DGKK: variants seen among roughly 807,000 people sequenced by gnomAD.
DGKK encodes 142 kDa diacylglycerol kinase.
A neutral mutation model predicts 92.2 loss-of-function variants in DGKK; 35 were observed. The ratio of observed to expected loss-of-function variants is 0.38; its 90% CI spans 0.29 to 0.50. DGKK has a LOEUF of 0.50. Ranked by LOEUF, DGKK falls within the 20% of genes least tolerant of loss-of-function variation. DGKK has a pLI of 0.92. For missense variants in DGKK, 910 were observed against 992.2 expected, an observed-to-expected ratio of 0.92 and a Z score of 1.11; for synonymous variants, 368 against 360.6, an observed-to-expected ratio of 1.02 and a Z score of -0.23.
At chrX:50,397,147 G>A (rs1265098004) in intron 8 of DGKK, among the ~76,000 whole-genome samples, 1 of 111,782 alleles carries the variant, frequency 8.9e-6, no homozygotes, top group Admixed American at 9.5e-5. Flanking sequence ...AAAGAGCTTA[G>A]GGGACTTAGT....
At position 50,384,268 on chromosome X, in the gene DGKK, G is replaced by T; in HGVS notation, c.2453-4C>A. The T allele has an allele frequency of 8.9e-7, 1 of 1,117,964 alleles. No homozygotes were observed. The highest frequency in any genetic ancestry group is 2.0e-5 in the South Asian group (1 of 49,327). The allele number at this position is 1,117,964 out of a possible 1,213,427, so 92.1% of individuals were successfully genotyped here. On this transcript the variant is annotated splice_region_variant and splice_polypyrimidine_tract_variant and intron_variant, in intron 16 of 27. Coordinates refer to ENST00000611977, the MANE Select transcript of DGKK (RefSeq NM_001013742.4). ...GACAAAGTGCCACGACGAGAACCTA[G>T]ACACAAAAGACATCACTTGGGTGAC...
chrX:50,412,050 C>A (rs1925317895), intron 4 of DGKK, among the ~76,000 whole-genome samples: 1 of 111,605 alleles, frequency 9.0e-6, no homozygotes, highest in Non-Finnish European at 1.9e-5. Context: ...AATCTGACAT[C>A]TGAAATGCCC....
chrX:50,372,351 A>T (rs1924157697), intron 25 of DGKK, among the ~76,000 whole-genome samples: 1 of 112,351 alleles, frequency 8.9e-6, no homozygotes, highest in Admixed American at 9.4e-5. Context: ...GCTAGACAGA[A>T]CCCAGGTCTG....
chrX:50,459,118 T>A (rs945025478), intron 1 of DGKK, among the ~76,000 whole-genome samples: 1 of 111,929 alleles, frequency 8.9e-6, no homozygotes, highest in African/African-American at 3.2e-5. Context: ...TTCCATTATT[T>A]AGGTTGGAAA....
chrX:50,470,421 G>T lies in DGKK; in HGVS notation c.258C>A (p.Ala86=). ...GGGCCGGTTCTGAGGCCGGCTCTGT[G>T]GCTGGTTCTGGGGTCGGTTCTGTGT... ...ELYTEPTPEP[A]TEPASEPAPE... The change falls in exon 1 of 28, where the codon GCC becomes GCA. Residue 86 remains alanine (A), a synonymous_variant. Coordinates refer to ENST00000611977, the MANE Select transcript of DGKK (RefSeq NM_001013742.4). 1 of 1,208,405 alleles carries T rather than the reference G, an allele frequency of 8.3e-7. No homozygotes were observed. Among genetic ancestry groups the T allele is most frequent in the Non-Finnish European group, 1.1e-6 (1 of 892,145 alleles).
chrX:50,430,690 A>G (rs1387401590), intron 1 of DGKK, among the ~76,000 whole-genome samples: 1 of 111,834 alleles, frequency 8.9e-6, no homozygotes, highest in Non-Finnish European at 1.9e-5. Flanking sequence ...CTTCAGTTTC[A>G]TTCTGAATCC....
chrX:50,395,144 C>T lies in DGKK; in HGVS notation c.1412-1809G>A, dbSNP rs191386682. ...AAGACTGTTCAGCATGGACTTGAGA[C>T]GTCACGAGTCAGGTCTTAAGATATT... On this transcript the variant is annotated intron_variant, in intron 8 of 27. Transcript: ENST00000611977. Among the ~76,000 whole-genome samples, 645 of 111,159 alleles carry T rather than the reference C, an allele frequency of 5.8e-3. 8 individuals are homozygous for T. Among genetic ancestry groups the T allele is most frequent in the African/African-American group, 0.02 (626 of 30,541 alleles).
At chrX:50,422,567 G>A (rs1304362815) in intron 2 of DGKK, 41 bp from the exon 3 acceptor site, 1 of 963,300 alleles carries the variant, frequency 1.0e-6, no homozygotes, top group East Asian at 3.3e-5. Flanking sequence ...GAACCGTCTG[G>A]TTAATGATGC....
At chrX:50,402,229 A>G (rs1229843086) in intron 7 of DGKK, among the ~76,000 whole-genome samples, 6 of 110,415 alleles carry the variant, frequency 5.4e-5, no homozygotes, top group African/African-American at 2.0e-4. Context: ...GCAACATAGC[A>G]AGACTCCGTC....
At chrX:50,370,883 T>A (rs1319590952) in intron 26 of DGKK, among the ~76,000 whole-genome samples, 1 of 112,419 alleles carries the variant, frequency 8.9e-6, no homozygotes, top group Non-Finnish European at 1.9e-5. Context: ...CCTGAGCTCA[T>A]GTGGCTAGGG....
At chrX:50,390,526 T>A in intron 11 of DGKK, 117 bp from the exon 12 acceptor site, 6 of 511,050 alleles carry the variant, frequency 1.2e-5, no homozygotes, top group Non-Finnish European at 1.6e-5. Flanking sequence ...AGGTGGGTTG[T>A]AGGGGGTGTC....
chrX:50,457,102 G>A (rs1926628953), intron 1 of DGKK, among the ~76,000 whole-genome samples: 1 of 111,893 alleles, frequency 8.9e-6, no homozygotes, highest in Non-Finnish European at 1.9e-5. Flanking sequence ...CTTGCTACAA[G>A]TTACCACGGA....
chrX:50,420,540 C>T, intron 3 of DGKK, 33 bp from the exon 4 acceptor site: 1 of 1,159,277 alleles, frequency 8.6e-7, no homozygotes, highest in Non-Finnish European at 1.2e-6. Context: ...AGCTGGTTCC[C>T]ACTCCATAAC....
intron 4 of DGKK, among the ~76,000 whole-genome samples, chrX:50,414,334 A>G (rs1355083706): frequency 7.2e-5 from 8 of 111,380 alleles, no homozygotes; most frequent in Non-Finnish European, 1.5e-4. Context: ...AATAATTAAG[A>G]GAGTAAATTT....
At chrX:50,382,654 G>A (rs1437407665) in intron 17 of DGKK, 51 bp from the exon 18 acceptor site, 26 of 986,424 alleles carry the variant, frequency 2.6e-5, no homozygotes, top group Non-Finnish European at 3.5e-5. Context: ...AAGAAGTGCC[G>A]CTATCAATTG....
intron 4 of DGKK, among the ~76,000 whole-genome samples, chrX:50,417,122 GA>G (rs1414165779): frequency 3.1e-4 from 33 of 104,947 alleles, no homozygotes; most frequent in African/African-American, 1.1e-3. Flanking sequence ...TTGCCCACTT[GA>G]AAAAAATCAA....
At chrX:50,451,036 T>C in intron 1 of DGKK, among the ~76,000 whole-genome samples, 1 of 111,743 alleles carries the variant, frequency 8.9e-6, no homozygotes, top group Non-Finnish European at 1.9e-5. Flanking sequence ...TAGGAAAATA[T>C]AGTTGTCAGT....
At chrX:50,430,319 ATCC>A (rs1407994255) in intron 1 of DGKK, among the ~76,000 whole-genome samples, 2 of 112,221 alleles carry the variant, frequency 1.8e-5, no homozygotes, top group African/African-American at 6.5e-5. Flanking sequence ...GGGCTGTAGA[ATCC>A]TTGTACATAT....
At chrX:50,467,935 T>C (rs1353315723) in intron 1 of DGKK, among the ~76,000 whole-genome samples, 5 of 112,332 alleles carry the variant, frequency 4.5e-5, no homozygotes, top group Admixed American at 3.7e-4. Flanking sequence ...ATGGCCTTCT[T>C]AACGGATGGT....
Sources: allele counts gnomAD v4.1 joint callset (sites outside exome capture counted in the v4.1 genomes callset), GRCh38; gene constraint gnomAD v4.1.1; transcripts MANE v1.5; gene names NCBI Gene and HGNC (gene_info 2026-07-23, HGNC 2026-07-21).